Variants in DDB1 observed in about 807,000 individuals in gnomAD.
DDB1 encodes damage specific DNA binding protein 1.
In DDB1, 18 loss-of-function variants were observed where a neutral mutation model predicts 133.1. That is an observed-to-expected ratio of 0.14 (90% confidence interval 0.09 to 0.20). The LOEUF is 0.20. Ranked by LOEUF, DDB1 falls within the 10% of genes least tolerant of loss-of-function variation. DDB1 has a pLI of 1.00. For synonymous variants in DDB1, 580 were observed against 550.5 expected, an observed-to-expected ratio of 1.05 and a Z score of -0.75; for missense variants, 828 against 1,459.2, an observed-to-expected ratio of 0.57 and a Z score of 7.05.
chr11:61,306,709 CATA>C (rs920250028), intron 21 of DDB1, among the ~76,000 whole-genome samples: 5 of 152,168 alleles, frequency 3.3e-5, no homozygotes, highest in African/African-American at 9.7e-5. Flanking sequence ...ACCATAATCA[CATA>C]ATAACTGTCT....
At chr11:61,323,562 A>C in intron 7 of DDB1, 1 of 242,738 alleles carries the variant, frequency 4.1e-6, no homozygotes. Flanking sequence ...ACAGGCACAC[A>C]CCACCATACC....
At chr11:61,311,297 ATAACAT>A (rs903703773) in intron 18 of DDB1, 1 of 151,206 alleles carries the variant, frequency 6.6e-6, no homozygotes, top group Non-Finnish European at 1.4e-5. Flanking sequence ...ATAACATAAC[ATAACAT>A]AACATAACAT....
chr11:61,322,237 TAGG>T, intron 9 of DDB1, 56 bp downstream of exon 9: 1 of 1,338,168 alleles, frequency 7.5e-7, no homozygotes. Flanking sequence ...TAAGCATAGC[TAGG>T]AGGACACAGT....
intron 12 of DDB1, 110 bp from the exon 13 acceptor site, chr11:61,314,596 A>AG: frequency 9.1e-7 from 1 of 1,102,150 alleles, no homozygotes; most frequent in Non-Finnish European, 1.3e-6. Context: ...AAGCTACATG[A>AG]GGCTTCTATT....
Position 61,312,265 on chromosome 11 carries a change from C to A in DDB1, c.2070-181G>T, listed in dbSNP as rs547440585. 6.7e-3 allele frequency among the ~76,000 whole-genome samples: 1,019 copies of A among 152,304 alleles called. 14 individuals carry two copies. Among genetic ancestry groups the A allele is most frequent in the African/African-American group, 0.024 (984 of 41,562 alleles). ...TCCCATCCACAAGATACTCTTATTT[C>A]ATTGGTCTGGGTGAGCCTAGGCTGA... On this transcript the variant is annotated intron_variant, in intron 16 of 26. Coordinates refer to ENST00000301764, the MANE Select transcript of DDB1 (RefSeq NM_001923.5).
chr11:61,322,720 T>C (rs535965370), intron 8 of DDB1: 2 of 540,412 alleles, frequency 3.7e-6, no homozygotes, highest in East Asian at 5.9e-5. Context: ...GAAGTTTTCA[T>C]ATTCTAGAAG....
At position 61,309,812 on chromosome 11, in the gene DDB1, G is replaced by A; in HGVS notation, c.2550C>T (p.Val850=). The A allele has an allele frequency of 6.2e-7, 1 of 1,613,258 alleles. No homozygotes were observed. The highest frequency in any genetic ancestry group is 8.5e-7 in the Non-Finnish European group (1 of 1,179,628). Reference sequence around the variant, plus strand: ...CCCACTTACCATCCGAATACTGAAAGACCACAATGCGACCCTGCTTGGGCT... The same window carrying A: ...CCCACTTACCATCCGAATACTGAAAAACCACAATGCGACCCTGCTTGGGCT... ...EAEPKQGRIV[V]FQYSDGKLQT... is the part of the protein sequence containing the mutation. Residue 850 remains valine, a synonymous_variant, in exon 20 of 27, where the codon GTC becomes GTT. Transcript: ENST00000301764.
intron 24 of DDB1, 29 bp from the exon 25 acceptor site, chr11:61,302,388 C>G (rs754714183): frequency 6.2e-7 from 1 of 1,605,254 alleles, no homozygotes; most frequent in Non-Finnish European, 8.5e-7. Context: ...CAGTGAGCTG[C>G]AGAGAGCTCA....
rs1319160331 is a variant in DDB1 at position 61,324,204 on chromosome 11, G to A, written c.763-67C>T. 4 of 1,578,244 alleles carry A rather than the reference G, an allele frequency of 2.5e-6. No individual in the cohort carries two copies. The Admixed American group carries it at 6.8e-5, about 27-fold the overall frequency. On this transcript the variant is annotated intron_variant, in intron 6 of 26. Coordinates refer to ENST00000301764, the MANE Select transcript of DDB1 (RefSeq NM_001923.5). ...TCTACACCAGAAAACAAACCCTACT[G>A]GACCACTCCCTTTACCAAACCCAGC...
chr11:61,300,699 T>C, intron 26 of DDB1, 110 bp downstream of exon 26: 10 of 1,501,332 alleles, frequency 6.7e-6, no homozygotes, highest in Non-Finnish European at 8.1e-6. Context: ...TACACAGAGG[T>C]CCCCTCGCAT....
chr11:61,317,492 AATTT>A (rs941029806), intron 10 of DDB1, among the ~76,000 whole-genome samples: 22 of 151,726 alleles, frequency 1.4e-4, no homozygotes, highest in Non-Finnish European at 1.8e-4. Context: ...CCAAAGTCTA[AATTT>A]ATTTATTTAT....
At chr11:61,304,172 TG>T in intron 21 of DDB1, 137 bp from the exon 22 acceptor site, 1 of 770,782 alleles carries the variant, frequency 1.3e-6, no homozygotes, top group Non-Finnish European at 2.1e-6. Flanking sequence ...TATGAGGCAC[TG>T]GGGTGAACAT....
At chr11:61,312,963 C>G (rs997062874) in intron 16 of DDB1, among the ~76,000 whole-genome samples, 25 of 152,186 alleles carry the variant, frequency 1.6e-4, no homozygotes, top group Non-Finnish European at 2.9e-5. Context: ...CAGGCACACA[C>G]CACCATACCT....
intron 10 of DDB1, among the ~76,000 whole-genome samples, chr11:61,319,578 C>T (rs757448373): frequency 7.9e-5 from 12 of 152,002 alleles, no homozygotes; most frequent in Non-Finnish European, 1.5e-4. Flanking sequence ...ACTACAGGCA[C>T]GCGCCACCAC....
At chr11:61,322,767 A>G (rs1856203834) in intron 8 of DDB1, 1 of 550,572 alleles carries the variant, frequency 1.8e-6, no homozygotes, top group Admixed American at 3.2e-5. Flanking sequence ...ATTTGAAGGT[A>G]GGAGCTGGGT....
At chr11:61,325,749 G>A in intron 5 of DDB1, 41 bp from the exon 6 acceptor site, 1 of 1,525,640 alleles carries the variant, frequency 6.6e-7, no homozygotes, top group Non-Finnish European at 9.0e-7. Context: ...CAGCACTCTG[G>A]GTCTGCCAAA....
chr11:61,302,510 C>A, intron 24 of DDB1, 72 bp downstream of exon 24: 1 of 1,600,988 alleles, frequency 6.2e-7, no homozygotes, highest in South Asian at 1.1e-5. Context: ...CAGTTGCTCT[C>A]CCCAGTCCCT....
chr11:61,328,605 G>C (rs1428387975), intron 4 of DDB1, among the ~76,000 whole-genome samples: 4 of 152,200 alleles, frequency 2.6e-5, no homozygotes, highest in African/African-American at 9.7e-5. Context: ...GAGCACGGTG[G>C]CTCACGTCTG....
rs1009628137 is a variant in DDB1, at chr11:61,304,171, C to T, written c.2662-136G>A. The T allele has an allele frequency of 5.6e-5, 43 of 768,014 alleles. No individual in the cohort carries two copies. In the African/African-American group the frequency reaches 6.9e-4, roughly 12 times the overall value. The allele number at this position is 768,014 out of a possible 1,614,324, so 47.6% of individuals were successfully genotyped here. ...GGACAGGAAACGGTTTTATGAGGCA[C>T]TGGGGTGAACATTTATTATTTCACT... On this transcript the variant is annotated intron_variant, in intron 21 of 26. Coordinates refer to ENST00000301764, the MANE Select transcript of DDB1 (RefSeq NM_001923.5).
Sources: allele counts gnomAD v4.1 joint callset (sites outside exome capture counted in the v4.1 genomes callset), GRCh38; gene constraint gnomAD v4.1.1; transcripts MANE v1.5; gene names NCBI Gene and HGNC (gene_info 2026-07-23, HGNC 2026-07-21).